FHIT: variants seen among roughly 807,000 people sequenced by gnomAD.
FHIT encodes fragile histidine triad diadenosine triphosphatase.
A neutral mutation model predicts 17.9 loss-of-function variants in FHIT; 19 were observed. That is an observed-to-expected ratio of 1.06 (90% confidence interval 0.74 to 1.56). The LOEUF is 1.56. FHIT is among the 40% of genes most tolerant of loss of function. The pLI, the probability that FHIT is intolerant of heterozygous loss-of-function variation, is 0.00. For synonymous variants in FHIT, 81 were observed against 69.7 expected, an observed-to-expected ratio of 1.16 and a Z score of -0.81; for missense variants, 248 against 189.2, an observed-to-expected ratio of 1.31 and a Z score of -1.82.
chr3:61,225,583 C>A (rs1042793883), intron 1 of FHIT, among the ~76,000 whole-genome samples: 1 of 152,140 alleles, frequency 6.6e-6, no homozygotes, highest in African/African-American at 2.4e-5. Context: ...CAAAGTTAAG[C>A]GTTATATACT....
At chr3:60,997,409 C>A (rs996794107) in intron 3 of FHIT, among the ~76,000 whole-genome samples, 2 of 151,980 alleles carry the variant, frequency 1.3e-5, no homozygotes, top group African/African-American at 4.8e-5. Context: ...ATCTAAATTT[C>A]TGACTTCTCT....
intron 5 of FHIT, among the ~76,000 whole-genome samples, chr3:60,315,572 C>T (rs535727883): frequency 1.1e-4 from 16 of 152,218 alleles, no homozygotes; most frequent in Non-Finnish European, 2.2e-4. Context: ...CATCCAGCTT[C>T]TTCCGTTCAA....
At chr3:60,474,821 C>A (rs1576720375) in intron 5 of FHIT, among the ~76,000 whole-genome samples, 2 of 152,056 alleles carry the variant, frequency 1.3e-5, no homozygotes, top group East Asian at 1.9e-4. Context: ...CGAGGTTTCT[C>A]CATGTTGCTC....
At chr3:60,006,666 A>AT (rs1373768357) in intron 7 of FHIT, among the ~76,000 whole-genome samples, 1 of 151,924 alleles carries the variant, frequency 6.6e-6, no homozygotes, top group Non-Finnish European at 1.5e-5. Context: ...AAAAAAAAAA[A>AT]CAAGGAAATT....
chr3:60,777,801 T>C (rs1575512138), intron 4 of FHIT, among the ~76,000 whole-genome samples: 1 of 152,208 alleles, frequency 6.6e-6, no homozygotes, highest in Non-Finnish European at 1.5e-5. Context: ...TGAAAATTTA[T>C]GGTTTGTAAG....
At chr3:60,166,182 C>G (rs1022739628) in intron 5 of FHIT, among the ~76,000 whole-genome samples, 38 of 144,156 alleles carry the variant, frequency 2.6e-4, no homozygotes, top group Non-Finnish European at 4.2e-4. Context: ...ATAATTTGGG[C>G]TTGAAAAAAA....
At chr3:60,826,547 G>A (rs563370807) in intron 3 of FHIT, among the ~76,000 whole-genome samples, 1 of 152,010 alleles carries the variant, frequency 6.6e-6, no homozygotes, top group African/African-American at 2.4e-5. Context: ...GCTGGTCGAG[G>A]TTAGTTTTTT....
At position 60,500,698 on chromosome 3, in the gene FHIT, G is replaced by A. The variant is rs141568356; in HGVS notation, c.103+36162C>T. ...TGAGGCAGGAGAATTGCTTGAACCC[G>A]GGAGGCAGAGGTTGCAGTGAGCCAA... On this transcript the variant is annotated intron_variant, in intron 5 of 9. Transcript: ENST00000492590. Among the ~76,000 whole-genome samples, 483 of 149,070 alleles carry A rather than the reference G, an allele frequency of 3.2e-3. 11 individuals carry two copies. Among genetic ancestry groups the A allele is most frequent in the East Asian group, 0.028 (140 of 5,030 alleles).
At chr3:60,434,492 C>T (rs916456651) in intron 5 of FHIT, among the ~76,000 whole-genome samples, 1 of 152,080 alleles carries the variant, frequency 6.6e-6, no homozygotes, top group Non-Finnish European at 1.5e-5. Context: ...CAATCTCACA[C>T]AGCAGGGTGA....
At chr3:61,148,732 C>T (rs780875286) in intron 2 of FHIT, among the ~76,000 whole-genome samples, 6 of 152,146 alleles carry the variant, frequency 3.9e-5, no homozygotes, top group African/African-American at 1.2e-4. Flanking sequence ...GGAAAATATA[C>T]GACATACAGT....
chr3:61,232,578 G>C (rs1576270758), intron 1 of FHIT, among the ~76,000 whole-genome samples: 1 of 152,276 alleles, frequency 6.6e-6, no homozygotes, highest in Admixed American at 6.5e-5. Context: ...GGAGGACCAG[G>C]GAGGTCTTCA....
At chr3:60,687,265 G>C (rs1439346129) in intron 4 of FHIT, among the ~76,000 whole-genome samples, 1 of 152,022 alleles carries the variant, frequency 6.6e-6, no homozygotes, top group Admixed American at 6.6e-5. Flanking sequence ...TCCACAGATT[G>C]ATTTTGTTAC....
At chr3:60,874,289 C>T (rs546289731) in intron 3 of FHIT, among the ~76,000 whole-genome samples, 2 of 152,254 alleles carry the variant, frequency 1.3e-5, no homozygotes, top group Middle Eastern at 3.4e-3. Flanking sequence ...GGCAATCACG[C>T]CAACACTCCT....
intron 7 of FHIT, among the ~76,000 whole-genome samples, chr3:59,946,374 A>T (rs548092760): frequency 1.5e-4 from 23 of 152,340 alleles, no homozygotes; most frequent in Admixed American, 9.8e-4. Context: ...TTGATTTTGT[A>T]TGCTGAAACC....
At chr3:59,965,361 C>T (rs1456213956) in intron 7 of FHIT, among the ~76,000 whole-genome samples, 5 of 152,108 alleles carry the variant, frequency 3.3e-5, no homozygotes, top group Non-Finnish European at 7.4e-5. Context: ...TAATTATATA[C>T]TAAATCTCAC....
chr3:60,462,260 C>T (rs1280003544), intron 5 of FHIT, among the ~76,000 whole-genome samples: 2 of 152,172 alleles, frequency 1.3e-5, no homozygotes, highest in Non-Finnish European at 2.9e-5. Flanking sequence ...TACTCTCCAC[C>T]ACACCTTTAA....
chr3:60,352,353 C>A (rs1176470204), intron 5 of FHIT, among the ~76,000 whole-genome samples: 2 of 152,102 alleles, frequency 1.3e-5, no homozygotes, highest in Admixed American at 1.3e-4. Flanking sequence ...AAGAATTGTA[C>A]AACTCAACAC....
At chr3:60,538,865 C>G (rs1009543573) in intron 4 of FHIT, among the ~76,000 whole-genome samples, 3 of 152,006 alleles carry the variant, frequency 2.0e-5, no homozygotes, top group African/African-American at 7.3e-5. Flanking sequence ...CAATACCATT[C>G]AGGACATAGG....
chr3:60,143,270 C>A (rs61158509), intron 5 of FHIT, among the ~76,000 whole-genome samples: 1 of 151,992 alleles, frequency 6.6e-6, no homozygotes, highest in East Asian at 1.9e-4. Flanking sequence ...TGGGGCCACA[C>A]GTATTTCCCC....
Sources: gnomAD v4.1 joint callset for allele counts (sites outside exome capture counted in the v4.1 genomes callset) on GRCh38, gnomAD v4.1.1 for gene constraint, MANE v1.5 for transcripts, NCBI Gene and HGNC (gene_info 2026-07-23, HGNC 2026-07-21) for gene names.